PARD3B: variants seen among roughly 807,000 people sequenced by gnomAD.
PARD3B encodes the protein par-3 family cell polarity regulator beta.
A neutral mutation model predicts 130.2 loss-of-function variants in PARD3B; 103 were observed. The ratio of observed to expected loss-of-function variants is 0.79; its 90% CI spans 0.67 to 0.93. The LOEUF is 0.93. PARD3B is among the 40% of genes least tolerant of loss of function. The probability of loss-of-function intolerance (pLI) is 0.00; values close to 1 mark genes in which losing one functional copy is unlikely to be tolerated. For missense variants in PARD3B, 1,609 were observed against 1,499.2 expected (o/e 1.07, Z -1.21); for synonymous variants, 583 against 553.2 (o/e 1.05, Z -0.76).
chr2:205,167,668 T>C (rs2034897071), intron 11 of PARD3B, among the ~76,000 whole-genome samples: 2 of 152,194 alleles, frequency 1.3e-5, no homozygotes, highest in South Asian at 4.1e-4. Context: ...AGAAACTCTT[T>C]GTCATTAATA....
chr2:205,151,082 C>G (rs1055929798), intron 10 of PARD3B, among the ~76,000 whole-genome samples: 4 of 152,130 alleles, frequency 2.6e-5, no homozygotes, highest in African/African-American at 9.7e-5. Context: ...ACAATGTATA[C>G]ATAGTTTAAA....
At position 205,274,230 on chromosome 2, in the gene PARD3B, A is replaced by G. The variant is rs146789687; in HGVS notation, c.2186-26300A>G. Among the ~76,000 whole-genome samples the G allele has an allele frequency of 1.5e-3, 233 of 151,904 alleles. 1 individual carries two copies. Among genetic ancestry groups the G allele is most frequent in the African/African-American group, 5.4e-3 (223 of 41,406 alleles). Reference sequence around the variant, plus strand: ...AGAATTTAGTACCTATATTCTTTCTACTCTTTATTTCTTTGTGTGAATAGG... The same window carrying G: ...AGAATTTAGTACCTATATTCTTTCTGCTCTTTATTTCTTTGTGTGAATAGG... On this transcript the variant is annotated intron_variant, in intron 16 of 22. Coordinates refer to ENST00000406610, the MANE Select transcript of PARD3B (RefSeq NM_001302769.2). The surrounding 1 kb of genome is among the most constrained non-coding windows in gnomAD (Gnocchi z 4.2).
At chr2:204,650,279 A>G (rs2035432570) in intron 1 of PARD3B, among the ~76,000 whole-genome samples, 1 of 152,172 alleles carries the variant, frequency 6.6e-6, no homozygotes, top group Non-Finnish European at 1.5e-5. Context: ...AAAAAAGGGA[A>G]CACTTACACA....
chr2:205,073,224 G>A (rs1480315152), intron 4 of PARD3B, among the ~76,000 whole-genome samples: 1 of 152,078 alleles, frequency 6.6e-6, no homozygotes, highest in Non-Finnish European at 1.5e-5. Context: ...GTAAAATAAA[G>A]CTATTTTATT....
intron 20 of PARD3B, among the ~76,000 whole-genome samples, chr2:205,489,524 C>CGTATATATATACGTATATAT (rs2049597002): frequency 2.0e-4 from 7 of 34,812 alleles, no homozygotes; most frequent in African/African-American, 1.6e-4. Context: ...TATATATATA[C>CGTATATATATACGTATATAT]ACACATATAT....
intron 19 of PARD3B, among the ~76,000 whole-genome samples, chr2:205,439,258 G>A (rs1325468220): frequency 6.6e-6 from 1 of 152,036 alleles, no homozygotes; most frequent in East Asian, 1.9e-4. Flanking sequence ...CTAGCCCACA[G>A]CCCTCTTATA....
At chr2:204,732,250 G>A (rs1293410236) in intron 2 of PARD3B, among the ~76,000 whole-genome samples, 6 of 152,120 alleles carry the variant, frequency 3.9e-5, no homozygotes, top group South Asian at 4.1e-4. Flanking sequence ...ATTCTTAGAC[G>A]CAGTACCACT....
chr2:205,137,242 C>T lies in PARD3B; in HGVS notation c.1434+11505C>T, dbSNP rs531389638. Among the ~76,000 whole-genome samples the T allele has an allele frequency of 5.9e-5, 9 of 152,046 alleles. No individual in the cohort carries two copies. In the East Asian group the frequency reaches 1.5e-3, roughly 26 times the overall value. On this transcript the variant is annotated intron_variant, in intron 10 of 22. Transcript: ENST00000406610. ...AGGACTTTAAAATCATGAAAGATTT[C>T]GTTTATGAGGTGGGACTCTGGTCAG...
intron 2 of PARD3B, among the ~76,000 whole-genome samples, chr2:204,758,412 C>G (rs1202563805): frequency 1.3e-5 from 2 of 152,078 alleles, no homozygotes; most frequent in Non-Finnish European, 2.9e-5. Context: ...GTTTATATTT[C>G]TTATCAAACC....
intron 4 of PARD3B, among the ~76,000 whole-genome samples, chr2:205,064,803 A>G (rs1700262090): frequency 1.3e-5 from 2 of 152,192 alleles, no homozygotes; most frequent in African/African-American, 4.8e-5. Context: ...TAAAAAAGTC[A>G]GTGTGCAAAT....
chr2:204,891,554 A>G (rs2046446780), intron 2 of PARD3B, among the ~76,000 whole-genome samples: 1 of 152,190 alleles, frequency 6.6e-6, no homozygotes, highest in Non-Finnish European at 1.5e-5. Flanking sequence ...TCAGTGTTCA[A>G]AATAATGCAA....
chr2:205,352,746 C>T lies in PARD3B; in HGVS notation c.2631-48267C>T, dbSNP rs6729005. 5.1e-3 allele frequency among the ~76,000 whole-genome samples: 771 copies of T among 152,208 alleles called. 2 individuals carry two copies. Among genetic ancestry groups the T allele is most frequent in the African/African-American group, 0.018 (744 of 41,538 alleles). On this transcript the variant is annotated intron_variant, in intron 18 of 22. Coordinates refer to ENST00000406610, the MANE Select transcript of PARD3B (RefSeq NM_001302769.2). The surrounding 1 kb of genome is among the most constrained non-coding windows in gnomAD (Gnocchi z 5.2). Reference sequence around the variant, plus strand: ...CACCTAAAGTGTGCTCATAACTTTGCAGCCATGAGCCATCCCCTTGTCATT... The same window carrying T: ...CACCTAAAGTGTGCTCATAACTTTGTAGCCATGAGCCATCCCCTTGTCATT...
chr2:204,754,113 A>G (rs1177480624), intron 2 of PARD3B, among the ~76,000 whole-genome samples: 2 of 152,122 alleles, frequency 1.3e-5, no homozygotes, highest in African/African-American at 2.4e-5. Context: ...CAGTGCCACT[A>G]TGAGCCAGTT....
chr2:204,878,533 G>A (rs1284718552), intron 2 of PARD3B, among the ~76,000 whole-genome samples: 2 of 151,524 alleles, frequency 1.3e-5, no homozygotes, highest in Non-Finnish European at 2.9e-5. Flanking sequence ...TTTTTATTTT[G>A]TATTAAAAAA....
chr2:205,464,731 C>T (rs1013331987), intron 20 of PARD3B, among the ~76,000 whole-genome samples: 1 of 152,200 alleles, frequency 6.6e-6, no homozygotes, highest in Non-Finnish European at 1.5e-5. Context: ...ACCCAAATCA[C>T]ACAGGCCAGA....
chr2:205,136,082 A>G (rs1015739276), intron 10 of PARD3B, among the ~76,000 whole-genome samples: 1 of 152,060 alleles, frequency 6.6e-6, no homozygotes, highest in Non-Finnish European at 1.5e-5. Flanking sequence ...ATTGAGTTAT[A>G]TGAAGGACTT....
At chr2:205,363,036 C>G (rs2044454527) in intron 18 of PARD3B, among the ~76,000 whole-genome samples, 1 of 152,080 alleles carries the variant, frequency 6.6e-6, no homozygotes, top group South Asian at 2.1e-4. Context: ...CTGCCCCTTG[C>G]CAAAGCTGTG....
intron 2 of PARD3B, among the ~76,000 whole-genome samples, chr2:204,790,735 G>A (rs916822764): frequency 3.9e-5 from 6 of 152,044 alleles, no homozygotes; most frequent in African/African-American, 7.3e-5. Context: ...TTTTTACTTC[G>A]TATTTCGTCT....
chr2:205,315,347 T>C (rs1036223653), intron 18 of PARD3B, among the ~76,000 whole-genome samples: 4 of 152,134 alleles, frequency 2.6e-5, no homozygotes, highest in African/African-American at 4.8e-5. Flanking sequence ...AACGAGATAA[T>C]AGATGATAAA....
Sources: allele counts gnomAD v4.1 joint callset (sites outside exome capture counted in the v4.1 genomes callset), GRCh38; gene constraint gnomAD v4.1.1; non-coding constraint Gnocchi (gnomAD v3.1); transcripts MANE v1.5; gene names NCBI Gene and HGNC (gene_info 2026-07-23, HGNC 2026-07-21).